Variants in CASP2 observed in about 807,000 individuals in gnomAD.
CASP2 encodes the protein caspase 2, also known as caspase-2.
In CASP2, 38 loss-of-function variants were observed where a neutral mutation model predicts 54.4. That is an observed-to-expected ratio of 0.70 (90% CI 0.54 to 0.92). The LOEUF (loss-of-function observed/expected upper bound fraction) is 0.92. Among genes scored for constraint, CASP2 ranks in the 40% least tolerant of loss-of-function variants. CASP2 has a pLI of 0.00. For missense variants in CASP2, 512 were observed against 579.6 expected, an observed-to-expected ratio of 0.88 and a Z score of 1.20; for synonymous variants, 215 against 216.3, an observed-to-expected ratio of 0.99 and a Z score of 0.05.
chr7:143,299,143 T>TG (rs1801842531), intron 6 of CASP2, among the ~76,000 whole-genome samples: 1 of 152,082 alleles, frequency 6.6e-6, no homozygotes, highest in Non-Finnish European at 1.5e-5. Flanking sequence ...TTTTTAAAGA[T>TG]GGAGTCTTGC....
intron 1 of CASP2, 38 bp downstream of exon 1, chr7:143,288,567 C>T (rs1801453165): frequency 1.3e-6 from 2 of 1,570,110 alleles, no homozygotes. Flanking sequence ...TTAGGGGAGC[C>T]CAGGGAAGGG....
intron 4 of CASP2, 92 bp from the exon 5 acceptor site, chr7:143,294,138 C>A: frequency 1.3e-6 from 1 of 795,832 alleles, no homozygotes; most frequent in Non-Finnish European, 2.2e-6. Flanking sequence ...TTATCACAAC[C>A]CAGTTGCAAG....
rs1802037719 is a variant in CASP2 at position 143,305,462 on chromosome 7, TGA to T, written c.*396_*397del. 3.0e-6 allele frequency: 1 copy of T among 328,482 alleles called. No individual in the cohort carries two copies. The highest frequency in any genetic ancestry group is 5.9e-6 in the Non-Finnish European group (1 of 168,936). The allele number at this position is 328,482 out of a possible 1,614,324, so 20.3% of individuals were successfully genotyped here. On this transcript the variant is annotated 3_prime_UTR_variant, in exon 11 of 11. Coordinates refer to ENST00000310447, the MANE Select transcript of CASP2 (RefSeq NM_032982.4). ...CTTTTATTACATTAGTTAAGATGTCTGAGAGACCATCTCCTATCTTTTATTTC... is the reference window on the plus strand; with the variant it reads ...CTTTTATTACATTAGTTAAGATGTCTGAGACCATCTCCTATCTTTTATTTC...
Position 143,299,995 on chromosome 7 carries a change from C to G in CASP2, c.820C>G (p.Leu274Val). Residue 274 changes from leucine to valine, a missense_variant, in exon 7 of 11, where the codon CTC becomes GTC. Around this residue, in one of 3 missense-constraint regions of CASP2, gnomAD observed 417 missense variants for 495.4 expected, o/e 0.84. Coordinates refer to ENST00000310447, the MANE Select transcript of CASP2 (RefSeq NM_032982.4). ...HRVTDSCIVA[L>V]LSHGVEGAIY... ...AGTCACGGACTCCTGCATCGTGGCACTCCTCTCGCATGGTGTGGAGGGCGC... is the reference window on the plus strand; with the variant it reads ...AGTCACGGACTCCTGCATCGTGGCAGTCCTCTCGCATGGTGTGGAGGGCGC... The G allele has an allele frequency of 6.2e-7, 1 of 1,614,172 alleles. No individual in the cohort carries two copies. The highest frequency in any genetic ancestry group is 8.5e-7 in the Non-Finnish European group (1 of 1,180,020).
chr7:143,288,622 G>A, intron 1 of CASP2, 93 bp downstream of exon 1: 1 of 1,192,212 alleles, frequency 8.4e-7, no homozygotes, highest in Non-Finnish European at 1.2e-6. Flanking sequence ...CCTCCCCTCG[G>A]AGCCCCGGAA....
intron 4 of CASP2, among the ~76,000 whole-genome samples, chr7:143,293,526 T>G (rs929307169): frequency 2.6e-5 from 4 of 151,530 alleles, no homozygotes; most frequent in African/African-American, 9.7e-5. Flanking sequence ...TTTTTTTTTC[T>G]TGTGATGGAG....
At chr7:143,303,653 T>A in intron 8 of CASP2, 131 bp from the exon 9 acceptor site, 1 of 687,430 alleles carries the variant, frequency 1.5e-6, no homozygotes, top group Non-Finnish European at 2.6e-6. Flanking sequence ...TTATCAGCCA[T>A]AGGTTGGAGG....
At chr7:143,301,154 T>G (rs1801906411) in intron 8 of CASP2, 1 of 155,994 alleles carries the variant, frequency 6.4e-6, no homozygotes, top group South Asian at 2.0e-4. Context: ...GCTCAGTACC[T>G]GGCTCACAGC....
Position 143,288,514 on chromosome 7 carries a change from C to G in CASP2, c.59C>G (p.Ala20Gly), listed in dbSNP as rs747040633. ...STFQHKELMAADRGRRILGVC... is the reference protein window; with the variant it reads ...STFQHKELMAGDRGRRILGVC... ...TTCCAGCACAAGGAGCTGATGGCCG[C>G]TGACAGGGGACGCAGGTAAGTAGGG... is the stretch of plus-strand genomic sequence containing the variant. The change falls in exon 1 of 11, where the codon GCT (alanine) becomes GGT (glycine). Residue 20 changes from alanine to glycine, a missense_variant. Physicochemically the swap from Ala to Gly is moderately conservative, Grantham distance 60. Around this residue, in one of 3 missense-constraint regions of CASP2, gnomAD observed 89 missense variants for 67.1 expected, o/e 1.33. Transcript: ENST00000310447. 4 of 1,613,272 alleles carry G rather than the reference C, an allele frequency of 2.5e-6. No homozygotes were observed. Among genetic ancestry groups the G allele is most frequent in the South Asian group, 2.2e-5 (2 of 91,054 alleles).
Position 143,304,954 on chromosome 7 carries a change from C to T in CASP2, c.1242C>T (p.Ile414=), listed in dbSNP as rs1802025021. Reference sequence around the variant, plus strand: ...TGCCCCTCCAGGTGAACGCACTTATCAAGGATCGGGAAGGTTATGCTCCTG... The same window carrying T: ...TGCCCCTCCAGGTGAACGCACTTATTAAGGATCGGGAAGGTTATGCTCCTG... The part of the protein sequence containing the change: ...ADMLVKVNAL[I]KDREGYAPGT... The change falls in exon 11 of 11, where the codon ATC becomes ATT. Residue 414 remains isoleucine (I), a synonymous_variant. Coordinates refer to ENST00000310447, the MANE Select transcript of CASP2 (RefSeq NM_032982.4). The T allele has an allele frequency of 1.2e-6, 2 of 1,614,200 alleles. No individual in the cohort carries two copies. Among genetic ancestry groups the T allele is most frequent in the Non-Finnish European group, 1.7e-6 (2 of 1,180,036 alleles).
In CASP2 at chr7:143,305,213, T is replaced by TC; in HGVS notation, c.*143dup. 9.2e-7 allele frequency: 1 copy of TC among 1,089,470 alleles called. No individual in the cohort carries two copies. The highest frequency in any genetic ancestry group is 1.4e-6 in the Non-Finnish European group (1 of 735,456). 67.5% of individuals were successfully genotyped at this position (1,089,470 alleles called of 1,614,324 possible). A position where few individuals can be genotyped will look rare whatever the true frequency, so the allele number is the denominator to read the frequency against. On this transcript the variant is annotated 3_prime_UTR_variant, in exon 11 of 11. Transcript: ENST00000310447. The stretch of plus-strand genomic sequence containing the variant: ...CTCCCAGACTTGTTTCCTGTGCCCA[T>TC]CATCTCTGCCTTTGAGTGTGGGACT...
Position 143,288,457 on chromosome 7 carries a change from TGGC to T in CASP2, c.7_9del (p.Ala3?). On this transcript the variant is annotated start_lost and inframe_deletion, in exon 1 of 11. Transcript: ENST00000310447. ...CGGAGAGCCCGGGAAAAGCGGGAAA[TGGC>T]GGCGCCGAGCGCGGGGTCTTGGTCC... 1 of 1,612,814 alleles carries T rather than the reference TGGC, an allele frequency of 6.2e-7. No individual in the cohort carries two copies. The highest frequency in any genetic ancestry group is 8.5e-7 in the Non-Finnish European group (1 of 1,179,610).
At position 143,305,055 on chromosome 7, in the gene CASP2, G is replaced by A. The variant is rs373916487; in HGVS notation, c.1343G>A (p.Gly448Glu). Reference sequence around the variant, plus strand: ...TGCCGCCACCTCTACCTGTTCCCAGGACACCCTCCCACATGATGTCACCTC... The same window carrying A: ...TGCCGCCACCTCTACCTGTTCCCAGAACACCCTCCCACATGATGTCACCTC... ...TLCRHLYLFPGHPPT is the reference protein window; with the variant it reads ...TLCRHLYLFPEHPPT Residue 448 changes from glycine (G) to glutamate (E), a missense_variant, in exon 11 of 11, where the codon GGA (glycine) becomes GAA (glutamate). Physicochemically the swap from Gly to Glu is moderately conservative, Grantham distance 98 (BLOSUM62 -2). Coordinates refer to ENST00000310447, the MANE Select transcript of CASP2 (RefSeq NM_032982.4). 14 of 1,614,056 alleles carry A rather than the reference G, an allele frequency of 8.7e-6. No homozygotes were observed. The highest frequency in any genetic ancestry group is 1.1e-5 in the Non-Finnish European group (13 of 1,180,046).
rs761799919 is a variant in CASP2, at chr7:143,300,224, C to CT, written c.900dup (p.Asp301Ter). 6.2e-7 allele frequency: 1 copy of CT among 1,614,136 alleles called. No individual in the cohort carries two copies. The highest frequency in any genetic ancestry group is 2.2e-5 in the East Asian group (1 of 44,874). On this transcript the variant is annotated frameshift_variant, in exon 8 of 11. Coordinates refer to ENST00000310447, the MANE Select transcript of CASP2 (RefSeq NM_032982.4). LOFTEE classifies it high-confidence loss of function. ...GGCAGCTCCAAGAGGTTTTTCAGCT[C>CT]TTTGACAACGCCAACTGCCCAAGCC... is the stretch of plus-strand genomic sequence containing the variant.
intron 9 of CASP2, among the ~76,000 whole-genome samples, 200 bp downstream of exon 9, chr7:143,304,133 C>G (rs1387223205): frequency 6.6e-6 from 1 of 152,060 alleles, no homozygotes; most frequent in Non-Finnish European, 1.5e-5. Flanking sequence ...TCCAAATATT[C>G]TAAATTTAAA....
At chr7:143,289,871 T>C (rs1364084952) in intron 1 of CASP2, among the ~76,000 whole-genome samples, 4 of 152,126 alleles carry the variant, frequency 2.6e-5, no homozygotes, top group Non-Finnish European at 5.9e-5. Context: ...CATTGGCTGC[T>C]TCCAACCCAC....
chr7:143,297,131 A>G (rs544216311), intron 6 of CASP2, among the ~76,000 whole-genome samples: 1 of 152,368 alleles, frequency 6.6e-6, no homozygotes, highest in Non-Finnish European at 1.5e-5. Flanking sequence ...ATATAATTTC[A>G]GAGGGTTCAC....
At chr7:143,302,758 C>T (rs1801951344) in intron 8 of CASP2, 1 of 152,172 alleles carries the variant, frequency 6.6e-6, no homozygotes, top group Admixed American at 6.5e-5. Flanking sequence ...CCCCATCTGT[C>T]TTGCCTACTG....
chr7:143,288,830 T>C (rs1027820181), intron 1 of CASP2, among the ~76,000 whole-genome samples: 43 of 152,370 alleles, frequency 2.8e-4, no homozygotes, highest in Admixed American at 1.6e-3. Flanking sequence ...TGGGTTCTCT[T>C]GAAGATTCTT....
Sources: allele counts gnomAD v4.1 joint callset (sites outside exome capture counted in the v4.1 genomes callset), GRCh38; gene constraint gnomAD v4.1.1; regional missense constraint gnomAD v4.1.1; transcripts MANE v1.5; gene names NCBI Gene and HGNC (gene_info 2026-07-23, HGNC 2026-07-21).